The following EIF2D variants were observed in gnomAD, a reference collection of about 807,000 sequenced individuals.
EIF2D encodes eukaryotic translation initiation factor 2D.
Under a neutral mutation model 77.4 loss-of-function variants are expected in EIF2D, and 56 were observed. The ratio of observed to expected loss-of-function variants is 0.72; its 90% CI spans 0.58 to 0.90. The LOEUF (loss-of-function observed/expected upper bound fraction) is 0.90. Ranked by LOEUF, EIF2D falls within the 40% of genes least tolerant of loss-of-function variation. EIF2D has a pLI of 0.00. For synonymous variants in EIF2D, 230 were observed against 271.0 expected, an observed-to-expected ratio of 0.85 and a Z score of 1.49; for missense variants, 574 against 706.5, an observed-to-expected ratio of 0.81 and a Z score of 2.13.
Position 206,605,494 on chromosome 1 carries a change from T to C in EIF2D, c.436A>G (p.Ile146Val). Residue 146 changes from isoleucine (I) to valine (V), a missense_variant, in exon 5 of 15, where the codon ATT becomes GTT. Ile to Val is a conservative substitution (Grantham distance 29). Transcript: ENST00000271764. ...GCTGTGGACATGGCTGCAACTCCAATGGCTACAGGGGCTCTAAGAAGAAGG... is the reference window on the plus strand; with the variant it reads ...GCTGTGGACATGGCTGCAACTCCAACGGCTACAGGGGCTCTAAGAAGAAGG... Reference protein sequence around the residue: ...SLVGNRAPVAIGVAAMSTAEM... With the variant: ...SLVGNRAPVAVGVAAMSTAEM... 6.2e-7 allele frequency: 1 copy of C among 1,614,016 alleles called. No homozygotes were observed. The highest frequency in any genetic ancestry group is 8.5e-7 in the Non-Finnish European group (1 of 1,179,964).
chr1:206,602,921 A>G, intron 6 of EIF2D, 30 bp downstream of exon 6: 1 of 1,608,038 alleles, frequency 6.2e-7, no homozygotes, highest in Non-Finnish European at 8.5e-7. Context: ...AGAGGTGGGG[A>G]GATGGGCTCT....
At chr1:206,588,319 G>A (rs1457937911), downstream of EIF2D, 1 of 152,614 alleles carries the variant, frequency 6.6e-6, no homozygotes, top group African/African-American at 2.4e-5. Context: ...TCCAATCAGT[G>A]ATACCAGACC....
At chr1:206,569,648 G>A (rs1553403899), downstream of EIF2D, among the ~76,000 whole-genome samples, 1 of 152,194 alleles carries the variant, frequency 6.6e-6, no homozygotes, top group African/African-American at 2.4e-5. Context: ...CATTCCTCAT[G>A]ACTTAGTTTG....
At chr1:206,591,186 C>T (rs966285323), downstream of EIF2D, among the ~76,000 whole-genome samples, 2 of 152,136 alleles carry the variant, frequency 1.3e-5, no homozygotes, top group Admixed American at 6.6e-5. Context: ...ACAAATTTAC[C>T]AGTTAGTGGC....
intron 4 of EIF2D, among the ~76,000 whole-genome samples, chr1:206,606,563 G>A (rs4844542): frequency 0.45 from 68,117 of 151,974 alleles, 15,302 homozygotes; most frequent in South Asian, 0.54. Context: ...TACTGGGGGA[G>A]AAAAACGGTA....
chr1:206,609,222 G>C (rs186245477), intron 3 of EIF2D, among the ~76,000 whole-genome samples, 154 bp downstream of exon 3: 53 of 152,312 alleles, frequency 3.5e-4, no homozygotes, highest in Admixed American at 3.5e-3. Flanking sequence ...GAGATCTTGT[G>C]TGGAACCAGC....
rs1388370294 is a variant in EIF2D, at chr1:206,595,581, A to G, written c.1509+137T>C. The G allele has an allele frequency of 5.4e-6, 6 of 1,108,540 alleles. No homozygotes were observed. In the African/African-American group the frequency reaches 9.4e-5, roughly 17 times the overall value. 68.7% of individuals were successfully genotyped at this position (1,108,540 alleles called of 1,614,324 possible). ...TTCATACAGAGCCCAGCCCAGGCACATAAACACGGGTGTTTCATAAAAAAA... is the reference window on the plus strand; with the variant it reads ...TTCATACAGAGCCCAGCCCAGGCACGTAAACACGGGTGTTTCATAAAAAAA... On this transcript the variant is annotated intron_variant, in intron 13 of 14. Transcript: ENST00000271764.
downstream of EIF2D, among the ~76,000 whole-genome samples, chr1:206,589,872 T>C (rs782568107): frequency 1.4e-4 from 22 of 152,316 alleles, no homozygotes; most frequent in South Asian, 4.1e-4. Context: ...GCCCAAAGAA[T>C]GAATGAATGT....
At position 206,595,801 on chromosome 1, in the gene EIF2D, G is replaced by A. The variant is rs1669619441; in HGVS notation, c.1426C>T (p.Leu476Phe). The change falls in exon 13 of 15, where the codon CTT becomes TTT. Residue 476 changes from leucine to phenylalanine, a missense_variant. Transcript: ENST00000271764. Reference sequence around the variant, plus strand: ...TTCACAATGGGCTCTTGTCCGGGAAGGGTCACTTGATAGGCAGGCTGTAAT... The same window carrying A: ...TTCACAATGGGCTCTTGTCCGGGAAAGGTCACTTGATAGGCAGGCTGTAAT... Reference protein sequence around the residue: ...EKLQPAYQVTLPGQEPIVKKG... With the variant: ...EKLQPAYQVTFPGQEPIVKKG... The A allele has an allele frequency of 3.1e-6, 5 of 1,614,036 alleles. No homozygotes were observed. In the East Asian group the frequency reaches 8.9e-5, roughly 29 times the overall value.
intron 4 of EIF2D, 28 bp from the exon 5 acceptor site, chr1:206,605,535 G>C (rs782258699): frequency 6.3e-7 from 1 of 1,592,570 alleles, no homozygotes; most frequent in Admixed American, 1.7e-5. Flanking sequence ...AGAGACCAGG[G>C]TCATGGAAAA....
chr1:206,585,149 A>C, intron 2 of EIF2D: 771 of 1,524,946 alleles, frequency 5.1e-4, no homozygotes, highest in Non-Finnish European at 6.4e-4. Flanking sequence ...TTTTCTGGGA[A>C]GAGCTCCCAG....
chr1:206,587,180 CCA>C (rs782160590), downstream of EIF2D: 4 of 585,076 alleles, frequency 6.8e-6, no homozygotes, highest in Admixed American at 2.6e-5. Context: ...CTGTGCCCCA[CCA>C]CAGATTCTGC....
rs1277757244 is a variant in EIF2D, at chr1:206,597,036, C to A, written c.1388+64G>T. ...CTAAGATAGTGACAGTATTAAAGTT[C>A]AATGTGATCAACATTAAGGCGAGGG... On this transcript the variant is annotated intron_variant, in intron 12 of 14. Coordinates refer to ENST00000271764, the MANE Select transcript of EIF2D (RefSeq NM_006893.3). 6.6e-6 allele frequency: 8 copies of A among 1,217,584 alleles called. No individual in the cohort carries two copies. In the African/African-American group the frequency reaches 7.5e-5, roughly 11 times the overall value. 75.4% of individuals were successfully genotyped at this position (1,217,584 alleles called of 1,614,324 possible). A position where few individuals can be genotyped will look rare whatever the true frequency, so the allele number is the denominator to read the frequency against.
chr1:206,586,885 G>A, downstream of EIF2D: 3 of 1,614,150 alleles, frequency 1.9e-6, no homozygotes, highest in African/African-American at 1.3e-5. Flanking sequence ...AAAAAGAGGA[G>A]CAGGACAAAA....
At chr1:206,607,922 G>A (rs913473272) in intron 4 of EIF2D, among the ~76,000 whole-genome samples, 3 of 151,926 alleles carry the variant, frequency 2.0e-5, no homozygotes, top group South Asian at 4.1e-4. Context: ...GAGGAAGCTG[G>A]GTAATGAGCA....
chr1:206,581,427 G>A (rs45618833), intron 2 of EIF2D, among the ~76,000 whole-genome samples: 26,124 of 151,954 alleles, frequency 0.17, 2,475 homozygotes, highest in Middle Eastern at 0.36. Context: ...GTGAAATCCC[G>A]TCTCTACTAA....
intron 4 of EIF2D, among the ~76,000 whole-genome samples, chr1:206,606,733 C>A (rs1439514578): frequency 2.6e-5 from 4 of 152,194 alleles, no homozygotes; most frequent in Non-Finnish European, 5.9e-5. Context: ...CTTTCCTTCT[C>A]TCTCAAAGAA....
At chr1:206,611,809 AC>A (rs1331605074) in intron 1 of EIF2D, among the ~76,000 whole-genome samples, 1 of 152,226 alleles carries the variant, frequency 6.6e-6, no homozygotes, top group Non-Finnish European at 1.5e-5. Flanking sequence ...TCCATTTGTG[AC>A]CCTGTCTGAA....
Position 206,593,683 on chromosome 1 carries a change from G to C in EIF2D, c.1620C>G (p.Ala540=), listed in dbSNP as rs1553409474. Residue 540 remains alanine, a synonymous_variant, in exon 14 of 15, where the codon GCC becomes GCG. Transcript: ENST00000271764. The part of the protein sequence containing the change: ...ASTTVNPAPG[A]KDSLQVQIQG... ...GGATCTGCACCTGAAGGCTGTCCTT[G>C]GCCCCAGGGGCAGGATTGACGGTGG... is the stretch of plus-strand genomic sequence containing the variant. 1 of 1,613,948 alleles carries C rather than the reference G, an allele frequency of 6.2e-7. No homozygotes were observed. The highest frequency in any genetic ancestry group is 1.7e-5 in the Admixed American group (1 of 60,016).
Sources: gnomAD v4.1 joint callset for allele counts (sites outside exome capture counted in the v4.1 genomes callset) on GRCh38, gnomAD v4.1.1 for gene constraint, MANE v1.5 for transcripts, NCBI Gene and HGNC (gene_info 2026-07-23, HGNC 2026-07-21) for gene names.